Variants in VWF observed in about 807,000 individuals in gnomAD.
The protein encoded by VWF is Factor VIII related antigen.
A neutral mutation model predicts 308.6 loss-of-function variants in VWF; 176 were observed. That is an observed-to-expected ratio of 0.57 (90% confidence interval 0.50 to 0.65). VWF has a LOEUF of 0.65. Ranked by LOEUF, VWF falls within the 30% of genes least tolerant of loss-of-function variation. The pLI is 0.00. For synonymous variants in VWF, 1,385 were observed against 1,443.4 expected, an observed-to-expected ratio of 0.96 and a Z score of 0.92; for missense variants, 3,146 against 3,648.2, an observed-to-expected ratio of 0.86 and a Z score of 3.55.
At chr12:6,068,516 G>A (rs1644301919) in intron 10 of VWF, among the ~76,000 whole-genome samples, 1 of 151,850 alleles carries the variant, frequency 6.6e-6, no homozygotes. Context: ...GTTGCCCGGC[G>A]TGGAGTGCAG....
At position 5,980,374 on chromosome 12, in the gene VWF, C is replaced by T. The variant is rs73261005; in HGVS notation, c.7287+1412G>A. Among the ~76,000 whole-genome samples the T allele has an allele frequency of 3.4e-3, 512 of 152,208 alleles. 2 individuals carry two copies. The highest frequency in any genetic ancestry group is 0.012 in the African/African-American group (487 of 41,522). On this transcript the variant is annotated intron_variant, in intron 42 of 51. Transcript: ENST00000261405. ...CATTGACCTTGAATGTAATGAATCC[C>T]CTGGGTCTAACTTCTAGTCTACTGG...
At chr12:5,984,504 T>C (rs879902099) in intron 40 of VWF, among the ~76,000 whole-genome samples, 9 of 152,406 alleles carry the variant, frequency 5.9e-5, no homozygotes, top group South Asian at 4.1e-4. Flanking sequence ...GGTCTTCATC[T>C]GTACAAGCAA....
At chr12:6,068,489 T>C (rs1235874694) in intron 10 of VWF, among the ~76,000 whole-genome samples, 1 of 152,006 alleles carries the variant, frequency 6.6e-6, no homozygotes, top group Non-Finnish European at 1.5e-5. Context: ...TTTTTTTTCC[T>C]GAGACAGTCT....
rs138442170 is a variant in VWF, at chr12:6,027,849, TAC to T, written c.2967+1491_2967+1492del. 5.5e-3 allele frequency among the ~76,000 whole-genome samples: 721 copies of T among 131,222 alleles called. 7 individuals are homozygous for T. Among genetic ancestry groups the T allele is most frequent in the African/African-American group, 0.018 (630 of 34,374 alleles). 86.1% of individuals were successfully genotyped at this position (131,222 alleles called of 152,430 possible). On this transcript the variant is annotated intron_variant, in intron 22 of 51. Coordinates refer to ENST00000261405, the MANE Select transcript of VWF (RefSeq NM_000552.5). ...AAAAAACAAATACATGGAAGACACA[TAC>T]ACACACACACACACACACACACACA...
Position 6,058,172 on chromosome 12 carries a change from A to T in VWF, c.1534-128T>A. 1 of 1,082,374 alleles carries T rather than the reference A, an allele frequency of 9.2e-7. No homozygotes were observed. The highest frequency in any genetic ancestry group is 1.3e-6 in the Non-Finnish European group (1 of 762,782). The allele number at this position is 1,082,374 out of a possible 1,614,324, so 67.0% of individuals were successfully genotyped here. A position where few individuals can be genotyped will look rare whatever the true frequency, so the allele number is the denominator to read the frequency against. On this transcript the variant is annotated intron_variant, in intron 13 of 51. Coordinates refer to ENST00000261405, the MANE Select transcript of VWF (RefSeq NM_000552.5). This position sits in a 1 kb window ranked among gnomAD's most constrained non-coding sequence, Gnocchi z 4.9. The stretch of plus-strand genomic sequence containing the variant: ...GTGAAACATAAATATGAATGTAATA[A>T]AAGGCAGCTAAGCCCTAGGCTGCAA...
chr12:6,055,761 T>TACAC (rs35414262), intron 15 of VWF, among the ~76,000 whole-genome samples: 34,703 of 134,952 alleles, frequency 0.26, 4,796 homozygotes, highest in Non-Finnish European at 0.29. Context: ...TATATATGTA[T>TACAC]ACACACACAC....
In VWF at chr12:6,073,066, C is replaced by T. The variant is rs551295958; in HGVS notation, c.997+553G>A. Among the ~76,000 whole-genome samples the T allele has an allele frequency of 5.9e-5, 9 of 152,194 alleles. No homozygotes were observed. In the South Asian group the frequency reaches 1.2e-3, roughly 21 times the overall value. ...ATTTTTAGTGGAGACGGGATTTCAC[C>T]AGGTTGGCCAGGCTGGTCTCAAACT... On this transcript the variant is annotated intron_variant, in intron 8 of 51. Coordinates refer to ENST00000261405, the MANE Select transcript of VWF (RefSeq NM_000552.5).
At position 6,018,618 on chromosome 12, in the gene VWF, C is replaced by T. The variant is rs201264909; in HGVS notation, c.4800G>A (p.Ala1600=). 1.1e-5 allele frequency: 17 copies of T among 1,613,928 alleles called. 1 individual carries two copies. In the East Asian group the frequency reaches 1.8e-4, roughly 17 times the overall value. ...FLVSQGDREQ[A]PNLVYMVTGN... ...CGGTGACCATGTAGACCAGGTTGGG[C>T]GCCTGCTCCCGGTCACCCTGGCTGA... Residue 1600 remains alanine, a synonymous_variant, in exon 28 of 52, where the codon GCG becomes GCA. Coordinates refer to ENST00000261405, the MANE Select transcript of VWF (RefSeq NM_000552.5).
chr12:6,016,354 T>A, intron 30 of VWF, 122 bp from the exon 31 acceptor site: 2 of 1,515,566 alleles, frequency 1.3e-6, no homozygotes, highest in Non-Finnish European at 9.1e-7. Context: ...GAACACCCAG[T>A]TGAGATCTGG....
intron 15 of VWF, among the ~76,000 whole-genome samples, chr12:6,055,761 TACACACACACACACACACAC>T (rs35414262): frequency 7.4e-6 from 1 of 135,246 alleles, no homozygotes; most frequent in Non-Finnish European, 1.6e-5. Context: ...TATATATGTA[TACACACACACACACACACAC>T]ACACACACAC....
chr12:6,114,341 C>T (rs1565395055), intron 3 of VWF, among the ~76,000 whole-genome samples: 1 of 152,188 alleles, frequency 6.6e-6, no homozygotes, highest in Non-Finnish European at 1.5e-5. Context: ...ATCACTTAAG[C>T]AAGGTACTCG....
chr12:6,026,944 G>C (rs554298664), intron 22 of VWF, among the ~76,000 whole-genome samples: 5 of 152,122 alleles, frequency 3.3e-5, no homozygotes, highest in African/African-American at 4.8e-5. Context: ...GAAAAAACTG[G>C]AAATATTTGG....
At chr12:6,066,054 T>C (rs1331996338) in intron 10 of VWF, among the ~76,000 whole-genome samples, 1 of 152,206 alleles carries the variant, frequency 6.6e-6, no homozygotes, top group African/African-American at 2.4e-5. Context: ...CTGACACATC[T>C]GTGGGTGGGG....
intron 5 of VWF, among the ~76,000 whole-genome samples, chr12:6,109,644 A>G (rs1292883940): frequency 5.9e-5 from 9 of 152,070 alleles, no homozygotes; most frequent in African/African-American, 2.2e-4. Flanking sequence ...TGAAATATTC[A>G]TCTTTAGTGT....
chr12:5,991,449 C>T (rs947599806), intron 38 of VWF, among the ~76,000 whole-genome samples: 3 of 152,146 alleles, frequency 2.0e-5, no homozygotes, highest in African/African-American at 7.2e-5. Context: ...AATCAAGGTA[C>T]ATAATCTCTC....
In VWF at chr12:6,034,738, C is replaced by A; in HGVS notation, c.2635G>T (p.Asp879Tyr). 1 of 1,614,148 alleles carries A rather than the reference C, an allele frequency of 6.2e-7. No homozygotes were observed. The highest frequency in any genetic ancestry group is 8.5e-7 in the Non-Finnish European group (1 of 1,180,036). ...CCGGGGAACAGGTATTTGAGCCCGT[C>A]GAAGGTGAGGTAGTGGGCCATGCCG... ...TIGMAHYLTF[D>Y]GLKYLFPGEC... Residue 879 changes from aspartate to tyrosine, a missense_variant, in exon 20 of 52, where the codon GAC becomes TAC. Transcript: ENST00000261405.
chr12:6,069,673 G>T (rs935455922), intron 10 of VWF, among the ~76,000 whole-genome samples: 1 of 152,168 alleles, frequency 6.6e-6, no homozygotes, highest in Non-Finnish European at 1.5e-5. Flanking sequence ...TCAGAGCCAG[G>T]GCTTTGAGAA....
chr12:5,983,108 G>A, intron 41 of VWF, 42 bp downstream of exon 41: 1 of 1,589,952 alleles, frequency 6.3e-7, no homozygotes, highest in Non-Finnish European at 8.6e-7. Context: ...CACACCAGCA[G>A]AGAGAGGCCA....
intron 20 of VWF, among the ~76,000 whole-genome samples, chr12:6,032,232 CAG>C (rs1204142004): frequency 3.1e-4 from 47 of 152,132 alleles, no homozygotes; most frequent in African/African-American, 8.4e-4. Context: ...CTTAGAAAAA[CAG>C]AGTGTGTCGC....
Sources: allele counts gnomAD v4.1 joint callset (sites outside exome capture counted in the v4.1 genomes callset), GRCh38; gene constraint gnomAD v4.1.1; non-coding constraint Gnocchi (gnomAD v3.1); transcripts MANE v1.5; gene names NCBI Gene and HGNC (gene_info 2026-07-23, HGNC 2026-07-21).